ALCAM: variants seen among roughly 807,000 people sequenced by gnomAD.
ALCAM encodes activated leukocyte cell adhesion molecule.
ALCAM carries 30 observed loss-of-function variants against 70.9 expected under a neutral mutation model. The ratio of observed to expected loss-of-function variants is 0.42; its 90% CI spans 0.32 to 0.57. ALCAM has a LOEUF of 0.57. Among genes scored for constraint, ALCAM ranks in the 20% least tolerant of loss-of-function variants. The pLI, the probability that ALCAM is intolerant of heterozygous loss-of-function variation, is 0.11. For missense variants in ALCAM, 591 were observed against 695.1 expected (o/e 0.85, Z 1.68); for synonymous variants, 249 against 242.5 (o/e 1.03, Z -0.25).
chr3:105,437,412 AT>A (rs1937073607), intron 1 of ALCAM, among the ~76,000 whole-genome samples: 1 of 152,206 alleles, frequency 6.6e-6, no homozygotes, highest in East Asian at 1.9e-4. Context: ...GCCTTTCCCA[AT>A]TTCTGAAATA....
intron 1 of ALCAM, among the ~76,000 whole-genome samples, chr3:105,396,677 C>A (rs533035666): frequency 1.3e-5 from 2 of 152,084 alleles, no homozygotes; most frequent in African/African-American, 4.8e-5. Context: ...CCCTACTGCC[C>A]AGTCCTCTGT....
chr3:105,455,787 C>T (rs1937528974), intron 1 of ALCAM, among the ~76,000 whole-genome samples: 1 of 152,200 alleles, frequency 6.6e-6, no homozygotes, highest in Non-Finnish European at 1.5e-5. Flanking sequence ...CTACCTAAAT[C>T]ACCCCTTGAT....
In ALCAM at chr3:105,541,755, C is replaced by G. The variant is rs1940122553; in HGVS notation, c.981C>G (p.Ile327Met). ...AAAGCATGATTGCTTCAACAGCTAT[C>G]ACAGTTCACTGTAAGTCACCTACTT... ...DKKSMIASTA[I>M]TVHYLDLSLN... is the part of the protein sequence containing the mutation. The change falls in exon 8 of 16, where the codon ATC becomes ATG. Residue 327 changes from isoleucine to methionine, a missense_variant. Ile to Met is a conservative substitution (Grantham distance 10). Transcript: ENST00000306107. 1 of 1,611,880 alleles carries G rather than the reference C, an allele frequency of 6.2e-7. No homozygotes were observed. The highest frequency in any genetic ancestry group is 8.5e-7 in the Non-Finnish European group (1 of 1,178,560).
chr3:105,542,827 A>G (rs1416339369), intron 8 of ALCAM, among the ~76,000 whole-genome samples: 1 of 151,742 alleles, frequency 6.6e-6, no homozygotes, highest in Non-Finnish European at 1.5e-5. Context: ...AGAGCCCTGT[A>G]AAAATAGTGG....
At chr3:105,426,710 T>G (rs1281902803) in intron 1 of ALCAM, among the ~76,000 whole-genome samples, 1 of 151,830 alleles carries the variant, frequency 6.6e-6, no homozygotes, top group Non-Finnish European at 1.5e-5. Context: ...GCAACGAACT[T>G]GCTTTCCATT....
chr3:105,524,977 G>C, intron 3 of ALCAM: 6 of 980,328 alleles, frequency 6.1e-6, no homozygotes, highest in Non-Finnish European at 7.3e-6. Context: ...TTTAACAGAG[G>C]TATAAATTTT....
Position 105,574,535 on chromosome 3 carries a change from CAA to C in ALCAM, c.*86_*87del, listed in dbSNP as rs1055455045. 19 of 152,286 alleles carry C rather than the reference CAA, an allele frequency of 1.2e-4. No individual in the cohort carries two copies. The highest frequency in any genetic ancestry group is 4.6e-4 in the African/African-American group (19 of 41,338). 9.4% of individuals were successfully genotyped at this position (152,286 alleles called of 1,614,324 possible). ...ACGTGGATTGTATTTAAGACATAAACAAAGACATTGACAGCAATTCATGGTTC... is the reference window on the plus strand; with the variant it reads ...ACGTGGATTGTATTTAAGACATAAACAGACATTGACAGCAATTCATGGTTC... On this transcript the variant is annotated 3_prime_UTR_variant, in exon 16 of 16. Transcript: ENST00000306107.
intron 14 of ALCAM, among the ~76,000 whole-genome samples, chr3:105,558,635 ATCT>A: frequency 6.6e-6 from 1 of 152,268 alleles, no homozygotes; most frequent in East Asian, 1.9e-4. Context: ...AAGGTCTTAA[ATCT>A]TCTGAAAAGT....
chr3:105,391,986 T>A, intron 1 of ALCAM, among the ~76,000 whole-genome samples: 1 of 152,056 alleles, frequency 6.6e-6, no homozygotes, highest in South Asian at 2.1e-4. Flanking sequence ...AGTGTTTTAT[T>A]GATGATTTTT....
chr3:105,524,052 A>G (rs1033602874), intron 2 of ALCAM, among the ~76,000 whole-genome samples: 2 of 152,050 alleles, frequency 1.3e-5, no homozygotes, highest in East Asian at 1.9e-4. Flanking sequence ...TATCTTCTCA[A>G]TGAAAAAAAA....
At chr3:105,474,893 A>C (rs1344328687) in intron 1 of ALCAM, among the ~76,000 whole-genome samples, 12 of 151,592 alleles carry the variant, frequency 7.9e-5, no homozygotes, top group Non-Finnish European at 1.6e-4. Context: ...TAGTATATTT[A>C]TTCAACTGCC....
At chr3:105,535,246 T>C (rs941436353) in intron 6 of ALCAM, among the ~76,000 whole-genome samples, 12 of 147,618 alleles carry the variant, frequency 8.1e-5, no homozygotes, top group African/African-American at 3.2e-4. Context: ...GATAGGATGT[T>C]GTATTACAAG....
chr3:105,557,102 C>G lies in ALCAM; in HGVS notation c.1664+4517C>G, dbSNP rs531723208. Among the ~76,000 whole-genome samples, 17 of 152,074 alleles carry G rather than the reference C, an allele frequency of 1.1e-4. No individual in the cohort carries two copies. In the East Asian group the frequency reaches 2.7e-3, roughly 24 times the overall value. Reference sequence around the variant, plus strand: ...GCCTTTTTTGGAATTAAAATTTTAGCTCTGACTTTGATTGGCTACTGGCAT... The same window carrying G: ...GCCTTTTTTGGAATTAAAATTTTAGGTCTGACTTTGATTGGCTACTGGCAT... On this transcript the variant is annotated intron_variant, in intron 14 of 15. Coordinates refer to ENST00000306107, the MANE Select transcript of ALCAM (RefSeq NM_001627.4).
chr3:105,421,092 A>T (rs1048822413), intron 1 of ALCAM, among the ~76,000 whole-genome samples: 10 of 151,482 alleles, frequency 6.6e-5, no homozygotes, highest in Admixed American at 2.6e-4. Context: ...CACTGTTTTT[A>T]GGAGTTAGAT....
intron 1 of ALCAM, among the ~76,000 whole-genome samples, chr3:105,469,274 C>T (rs1937848557): frequency 2.0e-5 from 3 of 151,188 alleles, no homozygotes; most frequent in African/African-American, 7.3e-5. Flanking sequence ...ATGTTTTAGC[C>T]TTAGTATTTT....
intron 1 of ALCAM, among the ~76,000 whole-genome samples, chr3:105,503,895 G>T (rs1369208488): frequency 1.3e-5 from 2 of 152,012 alleles, no homozygotes; most frequent in Non-Finnish European, 1.5e-5. Context: ...TGATGATTCA[G>T]TATAAATGTC....
At chr3:105,383,691 A>G (rs1935582056) in intron 1 of ALCAM, among the ~76,000 whole-genome samples, 1 of 151,750 alleles carries the variant, frequency 6.6e-6, no homozygotes, top group African/African-American at 2.4e-5. Context: ...GTGCCAATCC[A>G]AGTTAACATA....
intron 14 of ALCAM, among the ~76,000 whole-genome samples, chr3:105,569,069 G>GA (rs149759642): frequency 0.085 from 12,509 of 147,406 alleles, 657 homozygotes; most frequent in Non-Finnish European, 0.12. Context: ...TTACATTGTT[G>GA]TTTTTTTTTT....
chr3:105,401,711 C>G (rs982954364), intron 1 of ALCAM, among the ~76,000 whole-genome samples: 2 of 151,948 alleles, frequency 1.3e-5, no homozygotes, highest in South Asian at 4.2e-4. Context: ...GTTGCCACCC[C>G]CATAGTATAG....
Sources: gnomAD v4.1 joint callset for allele counts (sites outside exome capture counted in the v4.1 genomes callset) on GRCh38, gnomAD v4.1.1 for gene constraint, MANE v1.5 for transcripts, NCBI Gene and HGNC (gene_info 2026-07-23, HGNC 2026-07-21) for gene names.